CREB5: variants seen among roughly 807,000 people sequenced by gnomAD.
CREB5 encodes cyclic AMP-responsive element-binding protein 5.
Under a neutral mutation model 57.1 loss-of-function variants are expected in CREB5, and 19 were observed. The ratio of observed to expected loss-of-function variants is 0.33; its 90% CI spans 0.23 to 0.49. CREB5 has a LOEUF of 0.49. Ranked by LOEUF, CREB5 falls within the 20% of genes least tolerant of loss-of-function variation. The pLI is 0.99. For synonymous variants in CREB5, 238 were observed against 238.3 expected, an observed-to-expected ratio of 1.00 and a Z score of 0.01; for missense variants, 579 against 671.6, an observed-to-expected ratio of 0.86 and a Z score of 1.52.
At chr7:28,641,374 G>C (rs1017341923) in intron 5 of CREB5, among the ~76,000 whole-genome samples, 1 of 152,130 alleles carries the variant, frequency 6.6e-6, no homozygotes, top group East Asian at 1.9e-4. Flanking sequence ...ACCAAGAAAA[G>C]CTGGACCCAG....
intron 4 of CREB5, among the ~76,000 whole-genome samples, chr7:28,560,943 T>TGCGTGCGCGTGC (rs377319103): frequency 6.0e-5 from 2 of 33,174 alleles, no homozygotes; most frequent in Non-Finnish European, 1.1e-4. Context: ...TGTGCGTGCG[T>TGCGTGCGCGTGC]GTGTGTGCGT....
At chr7:28,314,306 C>T (rs1021768716) in intron 1 of CREB5, among the ~76,000 whole-genome samples, 1 of 152,188 alleles carries the variant, frequency 6.6e-6, no homozygotes, top group East Asian at 1.9e-4. Flanking sequence ...ACAGTGCCCT[C>T]CTACATTCAA....
chr7:28,366,445 T>G (rs906361937), intron 1 of CREB5, among the ~76,000 whole-genome samples: 3 of 152,186 alleles, frequency 2.0e-5, no homozygotes, highest in African/African-American at 7.2e-5. Flanking sequence ...TACTACTACT[T>G]ATTGTTATTG....
rs1193046967 is a variant in CREB5, at chr7:28,663,490, G to A, written c.465-55263G>A. On this transcript the variant is annotated intron_variant, in intron 5 of 10. Transcript: ENST00000357727. The stretch of plus-strand genomic sequence containing the variant: ...CAAAGTGTTGGGATTATGGGTGTGA[G>A]CCACCGCACTCGGCCAGCTGTCCCC... 5.3e-5 allele frequency among the ~76,000 whole-genome samples: 8 copies of A among 152,242 alleles called. No individual in the cohort carries two copies. In the East Asian group the frequency reaches 1.4e-3, roughly 26 times the overall value.
rs902819517 is a variant in CREB5 at position 28,821,962 on chromosome 7, C to A, written c.*2683C>A. On this transcript the variant is annotated 3_prime_UTR_variant, in exon 11 of 11. Coordinates refer to ENST00000357727, the MANE Select transcript of CREB5 (RefSeq NM_182898.4). ...GTCACTACAATGATGGTTTAGTTTA[C>A]TTCTGTTCCACCTTTTGATTGAAAT... 2 of 152,628 alleles carry A rather than the reference C, an allele frequency of 1.3e-5. No individual in the cohort carries two copies. Among genetic ancestry groups the A allele is most frequent in the Admixed American group, 6.5e-5 (1 of 15,290 alleles). 9.5% of individuals were successfully genotyped at this position (152,628 alleles called of 1,614,324 possible). A position where few individuals can be genotyped will look rare whatever the true frequency, so the allele number is the denominator to read the frequency against.
At chr7:28,594,946 G>A (rs939432066) in intron 5 of CREB5, among the ~76,000 whole-genome samples, 2 of 152,116 alleles carry the variant, frequency 1.3e-5, no homozygotes, top group African/African-American at 4.8e-5. Flanking sequence ...AGGAACATCT[G>A]TTGCCATAGA....
intron 1 of CREB5, among the ~76,000 whole-genome samples, chr7:28,479,331 A>AC (rs948621244): frequency 1.3e-5 from 2 of 152,056 alleles, no homozygotes; most frequent in Admixed American, 1.3e-4. Context: ...TGCCAGGGTG[A>AC]CCCCCTTCTA....
intron 1 of CREB5, among the ~76,000 whole-genome samples, chr7:28,486,589 C>CA (rs1562750194): frequency 2.9e-5 from 4 of 138,772 alleles, no homozygotes; most frequent in East Asian, 2.2e-4. Flanking sequence ...AAGAAAGGTA[C>CA]AAAAAAAAGA....
intron 5 of CREB5, among the ~76,000 whole-genome samples, chr7:28,658,953 G>GTGTGTGTATATATA (rs1400561698): frequency 5.0e-5 from 5 of 99,602 alleles, no homozygotes; most frequent in African/African-American, 1.6e-4. Context: ...GTGTGTGTGT[G>GTGTGTGTATATATA]TATATATATA....
Position 28,771,219 on chromosome 7 carries a change from C to T in CREB5, c.703-32980C>T, listed in dbSNP as rs139720123. Reference sequence around the variant, plus strand: ...GGTGTTTGGATGAACTGATCTCTGACACCCCAGTGGTTCTGTAAGCAGAGA... The same window carrying T: ...GGTGTTTGGATGAACTGATCTCTGATACCCCAGTGGTTCTGTAAGCAGAGA... On this transcript the variant is annotated intron_variant, in intron 7 of 10. Coordinates refer to ENST00000357727, the MANE Select transcript of CREB5 (RefSeq NM_182898.4). 3.9e-3 allele frequency among the ~76,000 whole-genome samples: 598 copies of T among 152,156 alleles called. 5 individuals carry two copies. Among genetic ancestry groups the T allele is most frequent in the African/African-American group, 0.013 (553 of 41,516 alleles).
intron 1 of CREB5, among the ~76,000 whole-genome samples, chr7:28,397,892 G>T (rs941345528): frequency 2.0e-5 from 3 of 152,128 alleles, no homozygotes; most frequent in Non-Finnish European, 2.9e-5. Context: ...TATGGAGCTA[G>T]TAACAGGTAG....
upstream of CREB5, among the ~76,000 whole-genome samples, chr7:28,411,565 G>T (rs1787804800): frequency 7.3e-6 from 1 of 137,432 alleles, no homozygotes; most frequent in Non-Finnish European, 1.6e-5. Flanking sequence ...GGGGGGTGGG[G>T]GGGTGGGGGC....
chr7:28,703,541 C>G (rs1801966598), intron 5 of CREB5, among the ~76,000 whole-genome samples: 1 of 152,166 alleles, frequency 6.6e-6, no homozygotes, highest in African/African-American at 2.4e-5. Flanking sequence ...GATCTGCCAT[C>G]TGCCAGCTGG....
At chr7:28,485,872 T>C (rs1791523931) in intron 1 of CREB5, among the ~76,000 whole-genome samples, 1 of 152,172 alleles carries the variant, frequency 6.6e-6, no homozygotes, top group African/African-American at 2.4e-5. Flanking sequence ...TTCTCAGTAT[T>C]CACAGTGGGG....
chr7:28,560,967 T>C lies in CREB5; in HGVS notation c.292-9398T>C, dbSNP rs13245607. On this transcript the variant is annotated intron_variant, in intron 4 of 10. Transcript: ENST00000357727. ...GTGTGTGTGCGTGTGTGTGCGTGTG[T>C]GTGTGCGTGTGTGCGTGCGTGTGTG... Among the ~76,000 whole-genome samples the C allele has an allele frequency of 8.3e-3, 252 of 30,290 alleles. 8 individuals carry two copies. The highest frequency in any genetic ancestry group is 0.016 in the African/African-American group (166 of 10,598). 19.9% of individuals were successfully genotyped at this position (30,290 alleles called of 152,430 possible). A position where few individuals can be genotyped will look rare whatever the true frequency, so the allele number is the denominator to read the frequency against.
intron 1 of CREB5, among the ~76,000 whole-genome samples, chr7:28,323,549 C>T (rs77807105): frequency 6.6e-6 from 1 of 152,196 alleles, no homozygotes; most frequent in Non-Finnish European, 1.5e-5. Context: ...GTTATTCTTA[C>T]TCTGTACCAC....
At chr7:28,646,786 C>A (rs1481184914) in intron 5 of CREB5, among the ~76,000 whole-genome samples, 1 of 151,898 alleles carries the variant, frequency 6.6e-6, no homozygotes, top group African/African-American at 2.4e-5. Flanking sequence ...AATCCTTTTG[C>A]AAATGAGATT....
chr7:28,641,935 C>T (rs1364979965), intron 5 of CREB5, among the ~76,000 whole-genome samples: 1 of 152,102 alleles, frequency 6.6e-6, no homozygotes, highest in Non-Finnish European at 1.5e-5. Context: ...CGTGTGTGCA[C>T]GTGTGTGTAT....
At chr7:28,637,287 CAATCATTCATTT>C (rs2128697428) in intron 5 of CREB5, among the ~76,000 whole-genome samples, 1 of 152,206 alleles carries the variant, frequency 6.6e-6, no homozygotes, top group African/African-American at 2.4e-5. Flanking sequence ...AATTTCTATT[CAATCATTCATTT>C]ATTCATTCAC....
Sources: gnomAD v4.1 joint callset for allele counts (sites outside exome capture counted in the v4.1 genomes callset) on GRCh38, gnomAD v4.1.1 for gene constraint, MANE v1.5 for transcripts, NCBI Gene and HGNC (gene_info 2026-07-23, HGNC 2026-07-21) for gene names.